The following TGM6 variants were observed in gnomAD, a reference collection of about 807,000 sequenced individuals.
TGM6 encodes the protein transglutaminase 6.
TGM6 carries 74 observed loss-of-function variants against 77.5 expected under a neutral mutation model. The observed-to-expected ratio is 0.96, with a 90% confidence interval of 0.79 to 1.16. TGM6 has a LOEUF of 1.16. Among genes scored for constraint, TGM6 ranks in the 50% most tolerant of loss-of-function variants. The pLI, the probability that TGM6 is intolerant of heterozygous loss-of-function variation, is 0.00. For synonymous variants in TGM6, 383 were observed against 378.9 expected (o/e 1.01, Z -0.12); for missense variants, 968 against 940.2 (o/e 1.03, Z -0.39).
chr20:2,387,654 G>C (rs974052700), intron 1 of TGM6, among the ~76,000 whole-genome samples: 1 of 152,240 alleles, frequency 6.6e-6, no homozygotes, highest in Non-Finnish European at 1.5e-5. Context: ...TTGGGAGGTT[G>C]TTGTGGTCTA....
chr20:2,427,784 C>G (rs2084898053), intron 10 of TGM6, among the ~76,000 whole-genome samples: 2 of 152,088 alleles, frequency 1.3e-5, no homozygotes, highest in Non-Finnish European at 2.9e-5. Context: ...CAGACAGAGT[C>G]TCGTTCTGTC....
chr20:2,416,337 G>A (rs2084816615), intron 9 of TGM6, among the ~76,000 whole-genome samples: 1 of 152,150 alleles, frequency 6.6e-6, no homozygotes. Flanking sequence ...TGAACTAAGA[G>A]TCCAAAAAGA....
chr20:2,380,994 G>A lies in TGM6; in HGVS notation c.7+19G>A, dbSNP rs1376879986. 6.2e-7 allele frequency: 1 copy of A among 1,608,496 alleles called. No homozygotes were observed. Among genetic ancestry groups the A allele is most frequent in the Non-Finnish European group, 8.5e-7 (1 of 1,178,428 alleles). Reference sequence around the variant, plus strand: ...ATGGCAGGTAAGTGGGCAGAGCCTGGGGCCTTGGGACACCAGGGCTCATGA... The same window carrying A: ...ATGGCAGGTAAGTGGGCAGAGCCTGAGGCCTTGGGACACCAGGGCTCATGA... On this transcript the variant is annotated intron_variant, in intron 1 of 12. Transcript: ENST00000202625.
chr20:2,398,853 G>A (rs374979729), intron 5 of TGM6, among the ~76,000 whole-genome samples: 1 of 152,168 alleles, frequency 6.6e-6, no homozygotes, highest in Non-Finnish European at 1.5e-5. Context: ...CCACATGCAG[G>A]TATTAAGGTC....
chr20:2,388,914 G>T (rs1401394531), intron 1 of TGM6, among the ~76,000 whole-genome samples: 1 of 152,128 alleles, frequency 6.6e-6, no homozygotes, highest in African/African-American at 2.4e-5. Context: ...TAACTTCAGT[G>T]GTTCTCAACT....
intron 9 of TGM6, among the ~76,000 whole-genome samples, chr20:2,411,366 C>T (rs1398160814): frequency 6.6e-6 from 1 of 152,004 alleles, no homozygotes; most frequent in African/African-American, 2.4e-5. Context: ...TAATATAATA[C>T]ACCGTATCAA....
chr20:2,413,600 T>C (rs1296251547), intron 9 of TGM6, among the ~76,000 whole-genome samples: 1 of 152,142 alleles, frequency 6.6e-6, no homozygotes, highest in African/African-American at 2.4e-5. Flanking sequence ...GAATAGTCTT[T>C]TCAACAAATG....
At chr20:2,406,019 G>C (rs1258128197) in intron 9 of TGM6, among the ~76,000 whole-genome samples, 1 of 152,136 alleles carries the variant, frequency 6.6e-6, no homozygotes, top group Non-Finnish European at 1.5e-5. Flanking sequence ...GTCATTTCTT[G>C]CTGAAGATAC....
chr20:2,407,497 T>C (rs2084760273), intron 9 of TGM6, among the ~76,000 whole-genome samples: 1 of 152,170 alleles, frequency 6.6e-6, no homozygotes, highest in South Asian at 2.1e-4. Context: ...TGGTTGCCTG[T>C]AGTCCCAGCT....
chr20:2,403,535 C>T (rs2084726765), intron 8 of TGM6, 35 bp downstream of exon 8: 1 of 1,614,170 alleles, frequency 6.2e-7, no homozygotes, highest in Non-Finnish European at 8.5e-7. Context: ...TTCCAGACCC[C>T]TGCTTTTCCT....
Position 2,396,489 on chromosome 20 carries a change from T to G in TGM6, c.425-17T>G. Reference sequence around the variant, plus strand: ...CCAGAGCCCCAGTCCACACCGGGCCTGATGACTGCTTTTCAGAGGACGATG... The same window carrying G: ...CCAGAGCCCCAGTCCACACCGGGCCGGATGACTGCTTTTCAGAGGACGATG... On this transcript the variant is annotated splice_polypyrimidine_tract_variant and intron_variant, in intron 3 of 12. Transcript: ENST00000202625. 6.2e-7 allele frequency: 1 copy of G among 1,613,524 alleles called. No individual in the cohort carries two copies. The highest frequency in any genetic ancestry group is 8.5e-7 in the Non-Finnish European group (1 of 1,179,464).
intron 10 of TGM6, among the ~76,000 whole-genome samples, chr20:2,422,908 C>A (rs893294747): frequency 1.3e-5 from 2 of 150,290 alleles, no homozygotes; most frequent in African/African-American, 2.5e-5. Context: ...TGAGATCCTG[C>A]CACTGCACTC....
chr20:2,394,734 AG>A (rs1477589299), intron 2 of TGM6, 109 bp downstream of exon 2: 2 of 1,280,242 alleles, frequency 1.6e-6, no homozygotes, highest in African/African-American at 2.9e-5. Context: ...GGGGGAAGCA[AG>A]TCACTGTAGG....
chr20:2,394,735 G>T, intron 2 of TGM6, 110 bp downstream of exon 2: 1 of 1,260,254 alleles, frequency 7.9e-7, no homozygotes, highest in Non-Finnish European at 1.1e-6. Flanking sequence ...GGGGAAGCAA[G>T]TCACTGTAGG....
At chr20:2,425,281 A>G (rs1016479450) in intron 10 of TGM6, among the ~76,000 whole-genome samples, 2 of 151,988 alleles carry the variant, frequency 1.3e-5, no homozygotes, top group Non-Finnish European at 2.9e-5. Flanking sequence ...CAAGAGCTGG[A>G]AGTTTGCAGT....
intron 10 of TGM6, among the ~76,000 whole-genome samples, chr20:2,420,275 C>G (rs544710726): frequency 6.6e-6 from 1 of 151,934 alleles, no homozygotes; most frequent in Non-Finnish European, 1.5e-5. Context: ...AAGTGAAATT[C>G]TTTGGCCAAA....
rs1171960882 is a variant in TGM6, at chr20:2,417,585, C to A, written c.1678+12C>A. On this transcript the variant is annotated intron_variant, in intron 10 of 12. Transcript: ENST00000202625. ...GGGGCCGCAAGAAGGTAAGTGTACGCTGGCTTGGTGGAATCAGGCCAAACC... is the reference window on the plus strand; with the variant it reads ...GGGGCCGCAAGAAGGTAAGTGTACGATGGCTTGGTGGAATCAGGCCAAACC... The A allele has an allele frequency of 6.3e-7, 1 of 1,593,488 alleles. No individual in the cohort carries two copies. Among genetic ancestry groups the A allele is most frequent in the Non-Finnish European group, 8.5e-7 (1 of 1,176,986 alleles).
Position 2,395,104 on chromosome 20 carries a change from G to A in TGM6, c.182-90G>A, listed in dbSNP as rs1471597451. Reference sequence around the variant, plus strand: ...CCTCCCAGAAGTTCAGGGGGTGAAGGTGGGGCTTCCAGGCCTGTAGCTTTT... The same window carrying A: ...CCTCCCAGAAGTTCAGGGGGTGAAGATGGGGCTTCCAGGCCTGTAGCTTTT... On this transcript the variant is annotated intron_variant, in intron 2 of 12. Coordinates refer to ENST00000202625, the MANE Select transcript of TGM6 (RefSeq NM_198994.3). 3.2e-6 allele frequency: 5 copies of A among 1,558,704 alleles called. No homozygotes were observed. The African/African-American group carries it at 5.4e-5, about 17-fold the overall frequency.
intron 3 of TGM6, among the ~76,000 whole-genome samples, chr20:2,396,063 C>T (rs2084663289): frequency 6.6e-6 from 1 of 151,826 alleles, no homozygotes; most frequent in Admixed American, 6.6e-5. Flanking sequence ...GCCTGTAATC[C>T]CAGCTACTCG....
Sources: gnomAD v4.1 joint callset for allele counts (sites outside exome capture counted in the v4.1 genomes callset) on GRCh38, gnomAD v4.1.1 for gene constraint, MANE v1.5 for transcripts, NCBI Gene and HGNC (gene_info 2026-07-23, HGNC 2026-07-21) for gene names.